TIMP2: variants seen among roughly 807,000 people sequenced by gnomAD.
TIMP2 encodes the protein metalloproteinase inhibitor 2.
In TIMP2, 5 loss-of-function variants were observed where a neutral mutation model predicts 24.3. The ratio of observed to expected loss-of-function variants is 0.21; its 90% CI spans 0.11 to 0.43. The LOEUF is 0.43. Among genes scored for constraint, TIMP2 ranks in the 20% least tolerant of loss-of-function variants. The pLI, the probability that TIMP2 is intolerant of heterozygous loss-of-function variation, is 1.00. For missense variants in TIMP2, 221 were observed against 297.5 expected (o/e 0.74, Z 1.89); for synonymous variants, 130 against 123.2 (o/e 1.06, Z -0.37).
intron 1 of TIMP2, among the ~76,000 whole-genome samples, chr17:78,894,348 C>T (rs992789264): frequency 3.3e-5 from 5 of 151,982 alleles, no homozygotes; most frequent in Non-Finnish European, 5.9e-5. Flanking sequence ...CTGCAGCTGG[C>T]TTTGACTTAA....
At chr17:78,884,617 G>A (rs376476749) in intron 1 of TIMP2, among the ~76,000 whole-genome samples, 13 of 151,972 alleles carry the variant, frequency 8.6e-5, no homozygotes, top group South Asian at 2.1e-4. Flanking sequence ...GCTGAGCGGC[G>A]CCCCCAGACT....
intron 1 of TIMP2, among the ~76,000 whole-genome samples, chr17:78,915,876 G>C (rs2070253362): frequency 6.6e-6 from 1 of 152,192 alleles, no homozygotes; most frequent in Non-Finnish European, 1.5e-5. Flanking sequence ...CCCTGAGCAG[G>C]TTCCTTAGTG....
intron 3 of TIMP2, among the ~76,000 whole-genome samples, chr17:78,863,992 C>T (rs1299346518): frequency 6.6e-6 from 1 of 152,144 alleles, no homozygotes; most frequent in Non-Finnish European, 1.5e-5. Flanking sequence ...TCAGAGCACA[C>T]ATTCGAACTC....
rs60482322 is a variant in TIMP2, at chr17:78,881,590, G to A, written c.131-7671C>T. ...CCGGAGCCGCAGACGTCTTCTGAGC[G>A]TCATTTGGTTCATTTGGCTCTGGGT... On this transcript the variant is annotated intron_variant, in intron 1 of 4. Coordinates refer to ENST00000262768, the MANE Select transcript of TIMP2 (RefSeq NM_003255.5). Among the ~76,000 whole-genome samples the A allele has an allele frequency of 2.1e-3, 313 of 152,362 alleles. 6 individuals carry two copies. In the East Asian group the frequency reaches 0.051, roughly 25 times the overall value.
At position 78,891,905 on chromosome 17, in the gene TIMP2, C is replaced by G. The variant is rs773913971; in HGVS notation, c.131-17986G>C. 2 of 1,550,588 alleles carry G rather than the reference C, an allele frequency of 1.3e-6. No individual in the cohort carries two copies. The highest frequency in any genetic ancestry group is 1.7e-6 in the Non-Finnish European group (2 of 1,146,976). On this transcript the variant is annotated intron_variant, in intron 1 of 4. Coordinates refer to ENST00000262768, the MANE Select transcript of TIMP2 (RefSeq NM_003255.5). The surrounding 1 kb of genome is among the most constrained non-coding windows in gnomAD (Gnocchi z 4.5). ...TTTTGTAGTCTGTGGTTTCTCTGGA[C>G]TCGCTGCTGTCTTCCGGGGCCTGGA... is the stretch of plus-strand genomic sequence containing the variant.
chr17:78,906,683 C>T (rs1341168185), intron 1 of TIMP2, among the ~76,000 whole-genome samples: 3 of 151,860 alleles, frequency 2.0e-5, no homozygotes, highest in East Asian at 1.9e-4. Context: ...CCCGGGTTCA[C>T]GCGATTCTTG....
chr17:78,910,374 G>A (rs1352011807), intron 1 of TIMP2, among the ~76,000 whole-genome samples: 2 of 151,954 alleles, frequency 1.3e-5, no homozygotes, highest in African/African-American at 2.4e-5. Context: ...TATATTTTTA[G>A]TAGAGACAAG....
intron 1 of TIMP2, among the ~76,000 whole-genome samples, chr17:78,906,043 C>T (rs1696263393): frequency 6.6e-6 from 1 of 152,180 alleles, no homozygotes; most frequent in Non-Finnish European, 1.5e-5. Flanking sequence ...TGTGCAATAA[C>T]ATTATGTCTT....
At chr17:78,904,585 A>G (rs1020340020) in intron 1 of TIMP2, 3 of 150,970 alleles carry the variant, frequency 2.0e-5, no homozygotes, top group African/African-American at 4.9e-5. Context: ...GTCCACCACC[A>G]CCCCCCTACC....
chr17:78,905,540 T>C (rs576192479), intron 1 of TIMP2, among the ~76,000 whole-genome samples: 7 of 152,196 alleles, frequency 4.6e-5, no homozygotes, highest in Non-Finnish European at 1.0e-4. Flanking sequence ...AGGGGAGAGG[T>C]TCTAGTGAGG....
intron 1 of TIMP2, among the ~76,000 whole-genome samples, chr17:78,888,839 G>A (rs1038662206): frequency 6.6e-6 from 1 of 152,124 alleles, no homozygotes; most frequent in Non-Finnish European, 1.5e-5. Flanking sequence ...ATGGGCTCAT[G>A]GTACTTCATT....
intron 3 of TIMP2, among the ~76,000 whole-genome samples, chr17:78,868,673 G>A (rs1173776131): frequency 5.9e-5 from 9 of 152,202 alleles, no homozygotes. Flanking sequence ...GCCACATGTG[G>A]CTGTTTACAT....
In TIMP2 at chr17:78,925,386, C is replaced by T. The variant is rs2070344781; in HGVS notation, c.-298G>A. The T allele has an allele frequency of 6.6e-6, 1 of 152,422 alleles. No individual in the cohort carries two copies. Among genetic ancestry groups the T allele is most frequent in the South Asian group, 1.8e-4 (1 of 5,568 alleles). The allele number at this position is 152,422 out of a possible 1,614,324, so 9.4% of individuals were successfully genotyped here. A position where few individuals can be genotyped will look rare whatever the true frequency, so the allele number is the denominator to read the frequency against. ...GCGCTGCCTTCTACGGATGTGTTTGCTGCGGGCTTGGGCCGGGCCGCAGTT... is the reference window on the plus strand; with the variant it reads ...GCGCTGCCTTCTACGGATGTGTTTGTTGCGGGCTTGGGCCGGGCCGCAGTT... On this transcript the variant is annotated 5_prime_UTR_variant, in exon 1 of 5. Coordinates refer to ENST00000262768, the MANE Select transcript of TIMP2 (RefSeq NM_003255.5).
intron 1 of TIMP2, among the ~76,000 whole-genome samples, chr17:78,875,773 C>T (rs912284303): frequency 3.3e-5 from 5 of 152,130 alleles, no homozygotes; most frequent in African/African-American, 1.2e-4. Context: ...ACCCCTTAGG[C>T]AGGGCTGTCT....
At chr17:78,919,620 G>A (rs1196292479) in intron 1 of TIMP2, among the ~76,000 whole-genome samples, 1 of 152,140 alleles carries the variant, frequency 6.6e-6, no homozygotes, top group Non-Finnish European at 1.5e-5. Flanking sequence ...GGATCACGAG[G>A]TCAGGAGATC....
intron 1 of TIMP2, chr17:78,902,761 T>C (rs1164679760): frequency 6.6e-6 from 1 of 152,256 alleles, no homozygotes; most frequent in Non-Finnish European, 1.5e-5. Context: ...ACAGCGTCCA[T>C]TACCGCTTCC....
intron 3 of TIMP2, among the ~76,000 whole-genome samples, chr17:78,863,440 C>A (rs1176965686): frequency 2.6e-5 from 4 of 152,148 alleles, no homozygotes; most frequent in Non-Finnish European, 4.4e-5. Context: ...GACGGGATTT[C>A]ACTGTGTTAG....
chr17:78,886,288 G>A (rs964935244), intron 1 of TIMP2, among the ~76,000 whole-genome samples: 2 of 152,164 alleles, frequency 1.3e-5, no homozygotes, highest in Non-Finnish European at 2.9e-5. Flanking sequence ...TGCTACCTTT[G>A]AAAATGGAAA....
At position 78,855,837 on chromosome 17, in the gene TIMP2, A is replaced by G. The variant is rs944053311; in HGVS notation, c.493T>C (p.Tyr165His). 1 of 1,614,074 alleles carries G rather than the reference A, an allele frequency of 6.2e-7. No individual in the cohort carries two copies. Among genetic ancestry groups the G allele is most frequent in the African/African-American group, 1.3e-5 (1 of 75,022 alleles). Residue 165 changes from tyrosine (Y) to histidine (H), a missense_variant, in exon 5 of 5, where the codon TAC becomes CAC. By Grantham distance (83) the Tyr-to-His change is moderately conservative. Coordinates refer to ENST00000262768, the MANE Select transcript of TIMP2 (RefSeq NM_003255.5). The surrounding 1 kb of genome is among the most constrained non-coding windows in gnomAD (Gnocchi z 6.0). ...AGGCACTCGTCCGGGGAGGAGATGT[A>G]GCACGGGATCATGGGGCAGCGCGTG... ...KITRCPMIPC[Y>H]ISSPDECLWM...
Sources: gnomAD v4.1 joint callset for allele counts (sites outside exome capture counted in the v4.1 genomes callset) on GRCh38, gnomAD v4.1.1 for gene constraint, Gnocchi (gnomAD v3.1) non-coding constraint, MANE v1.5 for transcripts, NCBI Gene and HGNC (gene_info 2026-07-23, HGNC 2026-07-21) for gene names.